The following SERGEF variants were observed in gnomAD, a reference collection of about 807,000 sequenced individuals.
The protein encoded by SERGEF is secretion-regulating guanine nucleotide exchange factor.
A neutral mutation model predicts 50.0 loss-of-function variants in SERGEF; 51 were observed. That is an observed-to-expected ratio of 1.02 (90% confidence interval 0.81 to 1.29). The LOEUF (loss-of-function observed/expected upper bound fraction) is 1.29. SERGEF is among the 50% of genes most tolerant of loss of function. The probability of loss-of-function intolerance (pLI) is 0.00; values close to 1 mark genes in which losing one functional copy is unlikely to be tolerated. For missense variants in SERGEF, 521 were observed against 557.0 expected (o/e 0.94, Z 0.65); for synonymous variants, 205 against 212.4 (o/e 0.97, Z 0.30).
At chr11:17,992,458 C>G (rs570424125) in intron 7 of SERGEF, among the ~76,000 whole-genome samples, 1 of 152,034 alleles carries the variant, frequency 6.6e-6, no homozygotes, top group African/African-American at 2.4e-5. Flanking sequence ...ACAATACACA[C>G]CAAAATAGAT....
chr11:17,967,993 T>C (rs1300789622), intron 8 of SERGEF, among the ~76,000 whole-genome samples: 1 of 152,244 alleles, frequency 6.6e-6, no homozygotes, highest in African/African-American at 2.4e-5. Flanking sequence ...AAGCCACCTC[T>C]TCCTTTAGGA....
chr11:17,868,010 G>C (rs549843882), intron 10 of SERGEF, among the ~76,000 whole-genome samples: 1 of 152,292 alleles, frequency 6.6e-6, no homozygotes, highest in Admixed American at 6.5e-5. Flanking sequence ...TGTGATAAGA[G>C]GGGCTGCCAT....
chr11:17,928,142 G>A (rs1394549977), intron 9 of SERGEF, among the ~76,000 whole-genome samples: 1 of 152,196 alleles, frequency 6.6e-6, no homozygotes, highest in Non-Finnish European at 1.5e-5. Context: ...CTTCTGTACT[G>A]GCATGCTGCC....
intron 10 of SERGEF, among the ~76,000 whole-genome samples, chr11:17,870,173 G>T (rs796792162): frequency 6.6e-6 from 1 of 152,172 alleles, no homozygotes; most frequent in African/African-American, 2.4e-5. Flanking sequence ...CACCATGATT[G>T]TAAGTTTCCT....
rs76835560 is a variant in SERGEF at position 17,948,210 on chromosome 11, A to G, written c.1011+11260T>C. 5.3e-3 allele frequency among the ~76,000 whole-genome samples: 808 copies of G among 152,326 alleles called. 8 individuals are homozygous for G. The highest frequency in any genetic ancestry group is 0.018 in the African/African-American group (765 of 41,578). ...CAAGAAATTCGTTTCCGAAAAACCA[A>G]TGTAAGAAATCTATAAACAAAACGT... On this transcript the variant is annotated intron_variant, in intron 9 of 10. Coordinates refer to ENST00000265965, the MANE Select transcript of SERGEF (RefSeq NM_012139.4).
At chr11:17,805,443 A>G (rs1849741523) in intron 10 of SERGEF, among the ~76,000 whole-genome samples, 1 of 152,236 alleles carries the variant, frequency 6.6e-6, no homozygotes, top group African/African-American at 2.4e-5. Flanking sequence ...ACGGTGGCTC[A>G]TGGATACAGT....
chr11:17,876,530 T>C (rs1851238059), intron 10 of SERGEF, among the ~76,000 whole-genome samples: 1 of 152,222 alleles, frequency 6.6e-6, no homozygotes, highest in African/African-American at 2.4e-5. Flanking sequence ...ACAATAATCC[T>C]GAAAGGCGGA....
chr11:17,914,204 C>A (rs1305402935), intron 9 of SERGEF, among the ~76,000 whole-genome samples: 1 of 152,130 alleles, frequency 6.6e-6, no homozygotes, highest in African/African-American at 2.4e-5. Flanking sequence ...CCTTCTTGTC[C>A]AAATCTTACG....
At chr11:17,859,789 G>A (rs535859753) in intron 10 of SERGEF, among the ~76,000 whole-genome samples, 1 of 152,154 alleles carries the variant, frequency 6.6e-6, no homozygotes, top group Non-Finnish European at 1.5e-5. Context: ...GCATGCAAAA[G>A]TCAGAATGAA....
At chr11:17,827,954 A>G (rs901472432) in intron 10 of SERGEF, among the ~76,000 whole-genome samples, 1 of 152,226 alleles carries the variant, frequency 6.6e-6, no homozygotes, top group African/African-American at 2.4e-5. Flanking sequence ...AAGTTCTTCA[A>G]GAATGATGAG....
intron 10 of SERGEF, among the ~76,000 whole-genome samples, chr11:17,845,873 T>C (rs1018600479): frequency 7.2e-5 from 11 of 152,222 alleles, no homozygotes; most frequent in African/African-American, 1.9e-4. Context: ...GCAGTTCTGA[T>C]AGTCACCAGG....
rs1438084826 is a variant in SERGEF at position 17,788,369 on chromosome 11, C to T, written c.1093G>A (p.Gly365Arg). The change falls in exon 11 of 11, where the codon GGA becomes AGA. Residue 365 changes from glycine to arginine, a missense_variant. By Grantham distance (125) the Gly-to-Arg change is moderately radical (BLOSUM62 -2). Coordinates refer to ENST00000265965, the MANE Select transcript of SERGEF (RefSeq NM_012139.4). ...SWGWNEHGMC[G>R]DGTEANVWAP... ...CAGACGTTGGCTTCAGTGCCATCTCCGCACATGCCATGCTCATTCCAGCCC... is the reference window on the plus strand; with the variant it reads ...CAGACGTTGGCTTCAGTGCCATCTCTGCACATGCCATGCTCATTCCAGCCC... 26 of 1,613,740 alleles carry T rather than the reference C, an allele frequency of 1.6e-5. No homozygotes were observed. The highest frequency in any genetic ancestry group is 6.7e-5 in the African/African-American group (5 of 75,044).
chr11:17,943,831 C>A (rs1852604707), intron 9 of SERGEF, among the ~76,000 whole-genome samples: 1 of 152,198 alleles, frequency 6.6e-6, no homozygotes, highest in Non-Finnish European at 1.5e-5. Flanking sequence ...GAAAGAACCA[C>A]ACAAAGAACT....
chr11:17,964,088 G>T (rs778410908), intron 8 of SERGEF, among the ~76,000 whole-genome samples: 12 of 152,280 alleles, frequency 7.9e-5, no homozygotes, highest in Non-Finnish European at 1.2e-4. Context: ...GGATTTCAAG[G>T]TGAGTAGGAA....
At chr11:17,801,744 A>AGACC (rs1321674781) in intron 10 of SERGEF, among the ~76,000 whole-genome samples, 1 of 152,182 alleles carries the variant, frequency 6.6e-6, no homozygotes, top group African/African-American at 2.4e-5. Flanking sequence ...GATAAACCTG[A>AGACC]GACCTGGGAA....
At chr11:17,893,975 T>C (rs1224894522) in intron 9 of SERGEF, among the ~76,000 whole-genome samples, 3 of 152,206 alleles carry the variant, frequency 2.0e-5, no homozygotes. Flanking sequence ...AGCAGCTTCC[T>C]TGTGCTCCTC....
chr11:18,012,382 G>T, intron 1 of SERGEF: 1 of 562,012 alleles, frequency 1.8e-6, no homozygotes, highest in Non-Finnish European at 2.3e-6. Context: ...CTCTCCCAAT[G>T]CTCCCGTCAA....
At chr11:18,007,450 G>T (rs1289727289) in intron 2 of SERGEF, among the ~76,000 whole-genome samples, 1 of 152,198 alleles carries the variant, frequency 6.6e-6, no homozygotes, top group East Asian at 1.9e-4. Flanking sequence ...TGAACCCAGA[G>T]ATTTGATTCC....
chr11:17,852,391 G>C (rs1850729806), intron 10 of SERGEF, among the ~76,000 whole-genome samples: 1 of 152,136 alleles, frequency 6.6e-6, no homozygotes, highest in Non-Finnish European at 1.5e-5. Context: ...TCTGGCTCTG[G>C]GAAGGACCCA....
Sources: gnomAD v4.1 joint callset for allele counts (sites outside exome capture counted in the v4.1 genomes callset) on GRCh38, gnomAD v4.1.1 for gene constraint, MANE v1.5 for transcripts, NCBI Gene and HGNC (gene_info 2026-07-23, HGNC 2026-07-21) for gene names.